SIPA1L3: variants seen among roughly 807,000 people sequenced by gnomAD.
SIPA1L3 encodes signal induced proliferation associated 1 like 3.
A neutral mutation model predicts 150.1 loss-of-function variants in SIPA1L3; 59 were observed. That is an observed-to-expected ratio of 0.39 (90% CI 0.32 to 0.49). SIPA1L3 has a LOEUF of 0.49. Ranked by LOEUF, SIPA1L3 falls within the 20% of genes least tolerant of loss-of-function variation. The pLI, the probability that SIPA1L3 is intolerant of heterozygous loss-of-function variation, is 0.86. For synonymous variants in SIPA1L3, 1,070 were observed against 1,077.6 expected, an observed-to-expected ratio of 0.99 and a Z score of 0.14; for missense variants, 2,211 against 2,489.5, an observed-to-expected ratio of 0.89 and a Z score of 2.38.
In SIPA1L3 at chr19:38,141,417, AGC is replaced by A. The variant is rs1156565545; in HGVS notation, c.3378_3379del (p.Gln1126HisfsTer64). The A allele has an allele frequency of 6.2e-7, 1 of 1,610,242 alleles. No homozygotes were observed. The highest frequency in any genetic ancestry group is 1.7e-5 in the Admixed American group (1 of 59,994). On this transcript the variant is annotated frameshift_variant, in exon 11 of 22. Transcript: ENST00000222345. LOFTEE classifies it high-confidence loss of function. Reference sequence around the variant, plus strand: ...CCCATAGTCCCCTTCCGGGAGTCCCAGCCACTGCACAGCAAGAGGTAAGCACC... The same window carrying A: ...CCCATAGTCCCCTTCCGGGAGTCCCACACTGCACAGCAAGAGGTAAGCACC...
intron 1 of SIPA1L3, among the ~76,000 whole-genome samples, chr19:38,005,020 G>A (rs1967905370): frequency 6.6e-6 from 1 of 152,098 alleles, no homozygotes; most frequent in African/African-American, 2.4e-5. Context: ...AGGAGTGGAG[G>A]ATGTCTCCCT....
intron 1 of SIPA1L3, among the ~76,000 whole-genome samples, chr19:38,026,227 G>C (rs1968507370): frequency 6.6e-6 from 1 of 152,144 alleles, no homozygotes; most frequent in African/African-American, 2.4e-5. Context: ...TTTATTCTCA[G>C]GTAGGCTCTG....
At chr19:38,141,589 C>T (rs542812738) in intron 11 of SIPA1L3, among the ~76,000 whole-genome samples, 154 bp downstream of exon 11, 4 of 152,282 alleles carry the variant, frequency 2.6e-5, no homozygotes, top group African/African-American at 9.6e-5. Context: ...GTTCCTCCCT[C>T]CCTCCTTCGT....
chr19:38,100,797 C>T (rs553265416), intron 5 of SIPA1L3, among the ~76,000 whole-genome samples: 7 of 152,324 alleles, frequency 4.6e-5, no homozygotes, highest in Non-Finnish European at 1.0e-4. Flanking sequence ...CATCACCAGC[C>T]GTCCTCCACC....
At chr19:38,118,417 G>C (rs1970939230) in intron 8 of SIPA1L3, among the ~76,000 whole-genome samples, 2 of 152,052 alleles carry the variant, frequency 1.3e-5, no homozygotes, top group Admixed American at 1.3e-4. Flanking sequence ...TTGCCAAACT[G>C]TAAGATCTGC....
At chr19:38,099,894 T>A in intron 4 of SIPA1L3, 68 bp from the exon 5 acceptor site, 1 of 1,269,614 alleles carries the variant, frequency 7.9e-7, no homozygotes, top group Non-Finnish European at 1.1e-6. Flanking sequence ...ACAAGATACC[T>A]CTGCTATGCT....
chr19:37,999,009 ACACC>A (rs1555775385), intron 1 of SIPA1L3, among the ~76,000 whole-genome samples: 57 of 138,902 alleles, frequency 4.1e-4, no homozygotes, highest in East Asian at 3.3e-3. Context: ...ACACACACAC[ACACC>A]CACACACACA....
rs935113720 is a variant in SIPA1L3 at position 38,046,523 on chromosome 19, G to A, written c.-311+17367G>A. 5.3e-5 allele frequency among the ~76,000 whole-genome samples: 8 copies of A among 152,194 alleles called. No homozygotes were observed. The highest frequency in any genetic ancestry group is 1.9e-4 in the African/African-American group (8 of 41,436). ...GCCCTGGAAAGAGGCAGGGTGGCCG[G>A]GGAGGGGAGTTTCCAGATTACCTGT... On this transcript the variant is annotated intron_variant, in intron 2 of 21. Coordinates refer to ENST00000222345, the MANE Select transcript of SIPA1L3 (RefSeq NM_015073.3). This position sits in a 1 kb window ranked among gnomAD's most constrained non-coding sequence, Gnocchi z 5.6.
chr19:38,196,517 A>G (rs1054543746), intron 18 of SIPA1L3, among the ~76,000 whole-genome samples: 2 of 147,518 alleles, frequency 1.4e-5, no homozygotes, highest in Middle Eastern at 3.8e-3. Context: ...TCAAGGGAGG[A>G]GCATGGAGGT....
intron 11 of SIPA1L3, among the ~76,000 whole-genome samples, 155 bp from the exon 12 acceptor site, chr19:38,142,418 G>A (rs772821686): frequency 1.3e-5 from 2 of 152,170 alleles, no homozygotes; most frequent in Non-Finnish European, 2.9e-5. Flanking sequence ...ATCCTGAGCA[G>A]TGAATAGCAG....
At position 38,141,308 on chromosome 19, in the gene SIPA1L3, C is replaced by A; in HGVS notation, c.3268C>A (p.His1090Asn). 1 of 1,614,000 alleles carries A rather than the reference C, an allele frequency of 6.2e-7. No homozygotes were observed. The highest frequency in any genetic ancestry group is 8.5e-7 in the Non-Finnish European group (1 of 1,179,966). ...CTGGCAGTGGAGCGGGCCCGCATCC[C>A]ATAACTCTCTACCAGCCTCCAAGTG... ...APWQWSGPAS[H>N]NSLPASKWAT... Residue 1090 changes from histidine (H) to asparagine (N), a missense_variant, in exon 11 of 22, where the codon CAT becomes AAT. Coordinates refer to ENST00000222345, the MANE Select transcript of SIPA1L3 (RefSeq NM_015073.3).
intron 1 of SIPA1L3, among the ~76,000 whole-genome samples, chr19:37,971,127 CTTTT>C (rs1033570602): frequency 6.6e-6 from 1 of 151,720 alleles, no homozygotes; most frequent in South Asian, 2.1e-4. Flanking sequence ...ACCTCCCATG[CTTTT>C]TTTTGTTTGT....
chr19:38,000,925 T>TATATATAAC (rs751637496), intron 1 of SIPA1L3, among the ~76,000 whole-genome samples: 10 of 66,002 alleles, frequency 1.5e-4, no homozygotes, highest in Admixed American at 2.4e-4. Context: ...ATATATAACA[T>TATATATAAC]ATATATAACA....
At position 38,081,479 on chromosome 19, in the gene SIPA1L3, T is replaced by A. The variant is rs1969976715; in HGVS notation, c.-87T>A. 7.6e-7 allele frequency: 1 copy of A among 1,309,990 alleles called. No individual in the cohort carries two copies. Among genetic ancestry groups the A allele is most frequent in the Non-Finnish European group, 1.0e-6 (1 of 957,798 alleles). The allele number at this position is 1,309,990 out of a possible 1,614,324, so 81.1% of individuals were successfully genotyped here. On this transcript the variant is annotated 5_prime_UTR_variant, in exon 3 of 22. Coordinates refer to ENST00000222345, the MANE Select transcript of SIPA1L3 (RefSeq NM_015073.3). The stretch of plus-strand genomic sequence containing the variant: ...CAGCATCCTTCATCCTGGGCCTGGC[T>A]GCCCTGAACAATGGCTGAGGGCTGG...
At chr19:37,998,290 C>T (rs922869229) in intron 1 of SIPA1L3, among the ~76,000 whole-genome samples, 2 of 152,120 alleles carry the variant, frequency 1.3e-5, no homozygotes, top group African/African-American at 4.8e-5. Context: ...TTTCCCTGTT[C>T]CTCAGCCAGC....
At chr19:38,178,225 G>C (rs1201985522) in intron 15 of SIPA1L3, among the ~76,000 whole-genome samples, 2 of 151,650 alleles carry the variant, frequency 1.3e-5, no homozygotes, top group East Asian at 3.9e-4. Flanking sequence ...CTCTAGGGCT[G>C]GGCATGGTGC....
intron 1 of SIPA1L3, among the ~76,000 whole-genome samples, chr19:37,960,652 C>T (rs353419): frequency 0.31 from 46,494 of 151,544 alleles, 8,834 homozygotes; most frequent in East Asian, 0.68. Context: ...TGCAATCCGC[C>T]TGCCTTGGCC....
At position 38,081,372 on chromosome 19, in the gene SIPA1L3, G is replaced by A; in HGVS notation, c.-194G>A. ...CCCAGGACAGCACCTGCTTCCTGAG[G>A]TTGTCCTGGCTCAGCTGTGCACAGC... On this transcript the variant is annotated 5_prime_UTR_variant, in exon 3 of 22. Transcript: ENST00000222345. 2 of 572,626 alleles carry A rather than the reference G, an allele frequency of 3.5e-6. 1 individual carries two copies. Among genetic ancestry groups the A allele is most frequent in the South Asian group, 5.3e-5 (2 of 37,902 alleles). 35.5% of individuals were successfully genotyped at this position (572,626 alleles called of 1,614,324 possible).
At chr19:37,912,516 G>GA (rs1206723295) in intron 1 of SIPA1L3, among the ~76,000 whole-genome samples, 1 of 152,038 alleles carries the variant, frequency 6.6e-6, no homozygotes, top group Non-Finnish European at 1.5e-5. Context: ...CTTTTTTTTA[G>GA]AGACAGGGTC....
Sources: allele counts gnomAD v4.1 joint callset (sites outside exome capture counted in the v4.1 genomes callset), GRCh38; gene constraint gnomAD v4.1.1; non-coding constraint Gnocchi (gnomAD v3.1); transcripts MANE v1.5; gene names NCBI Gene and HGNC (gene_info 2026-07-23, HGNC 2026-07-21).